OTOGL: variants seen among roughly 807,000 people sequenced by gnomAD.
The protein encoded by OTOGL is otogelin-like protein.
OTOGL carries 285 observed loss-of-function variants against 318.5 expected under a neutral mutation model. The ratio of observed to expected loss-of-function variants is 0.89; its 90% CI spans 0.81 to 0.99. The LOEUF (loss-of-function observed/expected upper bound fraction) is 0.99, where lower values mean the gene tolerates loss of function less well. Among genes scored for constraint, OTOGL ranks in the 50% least tolerant of loss-of-function variants. OTOGL has a pLI of 0.00. For missense variants in OTOGL, 2,899 were observed against 2,845.6 expected, an observed-to-expected ratio of 1.02 and a Z score of -0.43; for synonymous variants, 987 against 936.5, an observed-to-expected ratio of 1.05 and a Z score of -0.99.
chr12:80,139,626 T>C (rs1871798660), intron 1 of OTOGL, among the ~76,000 whole-genome samples: 1 of 152,204 alleles, frequency 6.6e-6, no homozygotes, highest in African/African-American at 2.4e-5. Flanking sequence ...ACTCTTACTT[T>C]ATTCAAATTC....
At chr12:80,227,101 G>A (rs1176666009) in intron 7 of OTOGL, among the ~76,000 whole-genome samples, 3 of 151,936 alleles carry the variant, frequency 2.0e-5, no homozygotes, top group African/African-American at 7.3e-5. Context: ...GGAGCTCTGG[G>A]GTGGAGTGAT....
At chr12:80,300,258 G>A (rs911044854) in intron 27 of OTOGL, among the ~76,000 whole-genome samples, 7 of 150,864 alleles carry the variant, frequency 4.6e-5, no homozygotes, top group Non-Finnish European at 7.4e-5. Flanking sequence ...CATAGGGATA[G>A]TCCTGGGGTG....
At chr12:80,213,217 G>T (rs947608450) in intron 4 of OTOGL, among the ~76,000 whole-genome samples, 4 of 152,146 alleles carry the variant, frequency 2.6e-5, no homozygotes, top group African/African-American at 9.7e-5. Flanking sequence ...GACTATATAG[G>T]GTAACTTCTG....
At position 80,336,799 on chromosome 12, in the gene OTOGL, T is replaced by C. The variant is rs910949216; in HGVS notation, c.4746T>C (p.Asn1582=). 4 of 1,520,706 alleles carry C rather than the reference T, an allele frequency of 2.6e-6. No homozygotes were observed. In the African/African-American group the frequency reaches 5.6e-5, roughly 21 times the overall value. The allele number at this position is 1,520,706 out of a possible 1,614,324, so 94.2% of individuals were successfully genotyped here. A position where few individuals can be genotyped will look rare whatever the true frequency, so the allele number is the denominator to read the frequency against. The change falls in exon 41 of 59, where the codon AAT becomes AAC. Residue 1582 remains asparagine (N), a splice_region_variant and synonymous_variant. Coordinates refer to ENST00000547103, the MANE Select transcript of OTOGL (RefSeq NM_001378609.3). ...AHIEKCSMNQ[N]GNSLKKLAPS... ...AGTATTTCTTTTTTTTTTTCCAGAA[T>C]GGAAACTCCTTAAAAAAGCTAGTGA... is the stretch of plus-strand genomic sequence containing the variant.
At position 80,318,682 on chromosome 12, in the gene OTOGL, C is replaced by T; in HGVS notation, c.3771C>T (p.Ile1257=). 1.5e-6 allele frequency: 2 copies of T among 1,343,294 alleles called. No homozygotes were observed. The highest frequency in any genetic ancestry group is 4.2e-5 in the South Asian group (2 of 47,262). The allele number at this position is 1,343,294 out of a possible 1,614,324, so 83.2% of individuals were successfully genotyped here. A position where few individuals can be genotyped will look rare whatever the true frequency, so the allele number is the denominator to read the frequency against. Residue 1257 remains isoleucine, a synonymous_variant, in exon 33 of 59, where the codon ATC becomes ATT. Transcript: ENST00000547103. ...CCAGTTTATTTTTTTATTTTATGAT[C>T]ACTCCAGGCCTTTTCAAAGAGAAGG... The part of the protein sequence containing the change: ...VHTSLFFYFM[I]TPGLFKEKVS...
chr12:80,209,373 T>C, intron 1 of OTOGL, 40 bp from the exon 2 acceptor site: 1 of 1,134,786 alleles, frequency 8.8e-7, no homozygotes. Flanking sequence ...ACTTCTAAGA[T>C]GCCATCATAA....
At chr12:80,102,532 G>A (rs986548835) in intron 1 of OTOGL, among the ~76,000 whole-genome samples, 2 of 151,964 alleles carry the variant, frequency 1.3e-5, no homozygotes, top group South Asian at 2.1e-4. Flanking sequence ...TTCTTGAACC[G>A]GCTACTTCTC....
At chr12:80,315,742 T>C (rs1214544654) in intron 32 of OTOGL, among the ~76,000 whole-genome samples, 2 of 152,198 alleles carry the variant, frequency 1.3e-5, no homozygotes, top group Non-Finnish European at 2.9e-5. Flanking sequence ...TTTTTGATTT[T>C]AGTTGTATTT....
chr12:80,371,419 A>G (rs1890869466), intron 56 of OTOGL, among the ~76,000 whole-genome samples: 1 of 152,068 alleles, frequency 6.6e-6, no homozygotes, highest in African/African-American at 2.4e-5. Flanking sequence ...AAGTCACAGA[A>G]TTTCAGCTCT....
chr12:80,308,554 C>T (rs1005285567), intron 29 of OTOGL, among the ~76,000 whole-genome samples: 2 of 152,000 alleles, frequency 1.3e-5, no homozygotes, highest in African/African-American at 4.8e-5. Context: ...TCCTCACTTC[C>T]CAGACGGGGT....
chr12:80,198,077 G>C (rs1488395559), intron 1 of OTOGL, among the ~76,000 whole-genome samples: 1 of 151,992 alleles, frequency 6.6e-6, no homozygotes, highest in South Asian at 2.1e-4. Context: ...AGGAAGATTT[G>C]TGGGAGCAGG....
At chr12:80,374,452 C>A (rs919704247) in intron 57 of OTOGL, among the ~76,000 whole-genome samples, 1 of 151,964 alleles carries the variant, frequency 6.6e-6, no homozygotes, top group Non-Finnish European at 1.5e-5. Flanking sequence ...ATAATATAAC[C>A]TATATATTTT....
At chr12:80,337,096 CA>C in intron 42 of OTOGL, 92 bp downstream of exon 42, 3 of 946,950 alleles carry the variant, frequency 3.2e-6, no homozygotes, top group Non-Finnish European at 4.8e-6. Context: ...TTAAGCATAT[CA>C]ATGGAATTTA....
intron 1 of OTOGL, among the ~76,000 whole-genome samples, chr12:80,178,443 CA>C (rs1175625391): frequency 2.0e-5 from 3 of 152,140 alleles, no homozygotes; most frequent in Non-Finnish European, 4.4e-5. Context: ...AATCAATACT[CA>C]AATGAATACT....
chr12:80,125,814 G>C (rs1870793634), intron 1 of OTOGL, among the ~76,000 whole-genome samples: 1 of 152,126 alleles, frequency 6.6e-6, no homozygotes, highest in Admixed American at 6.5e-5. Context: ...AGATTTTCTA[G>C]TTTATTTGTG....
chr12:80,268,725 G>T (rs370743009), intron 22 of OTOGL, among the ~76,000 whole-genome samples: 2 of 151,926 alleles, frequency 1.3e-5, no homozygotes, highest in African/African-American at 4.8e-5. Context: ...CTTTCTACGC[G>T]TAGTCAAAAG....
intron 1 of OTOGL, among the ~76,000 whole-genome samples, chr12:80,135,139 T>G (rs987125183): frequency 6.6e-6 from 1 of 151,966 alleles, no homozygotes; most frequent in Non-Finnish European, 1.5e-5. Context: ...TTCAACACAG[T>G]TTTCCTCCCC....
chr12:80,360,248 G>A (rs1245380867), intron 52 of OTOGL, among the ~76,000 whole-genome samples: 2 of 152,034 alleles, frequency 1.3e-5, no homozygotes, highest in Admixed American at 6.6e-5. Context: ...ACATTAAAAC[G>A]TAAATTTCTT....
chr12:80,279,045 T>G lies in OTOGL; in HGVS notation c.2807T>G (p.Met936Arg), dbSNP rs750574816. Residue 936 changes from methionine (M) to arginine (R), a missense_variant, in exon 26 of 59, where the codon ATG (methionine) becomes AGG (arginine). Met to Arg is a moderately conservative substitution (Grantham distance 91). Coordinates refer to ENST00000547103, the MANE Select transcript of OTOGL (RefSeq NM_001378609.3). ...PCYTCVCRRG[M>R]FNCTYYPCPA... The stretch of plus-strand genomic sequence containing the variant: ...TTTAATAGCGTTTGTCGACGAGGAA[T>G]GTTCAATTGCACATATTATCCATGC... 1.4e-5 allele frequency: 21 copies of G among 1,510,546 alleles called. No individual in the cohort carries two copies. Among genetic ancestry groups the G allele is most frequent in the Non-Finnish European group, 1.8e-5 (20 of 1,122,164 alleles). 93.6% of individuals were successfully genotyped at this position (1,510,546 alleles called of 1,614,324 possible).
Sources: allele counts gnomAD v4.1 joint callset (sites outside exome capture counted in the v4.1 genomes callset), GRCh38; gene constraint gnomAD v4.1.1; transcripts MANE v1.5; gene names NCBI Gene and HGNC (gene_info 2026-07-23, HGNC 2026-07-21).